Variants in KIF26B observed in about 807,000 individuals in gnomAD.
KIF26B encodes the protein kinesin-like protein KIF26B.
In KIF26B, 63 loss-of-function variants were observed where a neutral mutation model predicts 151.2. That is an observed-to-expected ratio of 0.42 (90% confidence interval 0.34 to 0.51). The LOEUF (loss-of-function observed/expected upper bound fraction) is 0.51, where lower values mean the gene tolerates loss of function less well. KIF26B is among the 20% of genes least tolerant of loss of function. The pLI is 0.07. For missense variants in KIF26B, 2,813 were observed against 2,913.6 expected (o/e 0.97, Z 0.79); for synonymous variants, 1,357 against 1,262.1 (o/e 1.08, Z -1.59).
chr1:245,612,285 G>T (rs72762891), intron 9 of KIF26B, among the ~76,000 whole-genome samples: 13,111 of 152,010 alleles, frequency 0.086, 657 homozygotes, highest in South Asian at 0.12. Flanking sequence ...TATTTATTTG[G>T]TTATCTTTGT....
intron 2 of KIF26B, among the ~76,000 whole-genome samples, chr1:245,350,307 T>C (rs1672540248): frequency 1.3e-5 from 2 of 152,174 alleles, no homozygotes; most frequent in Admixed American, 1.3e-4. Context: ...CTGGTGACTT[T>C]ACCTGTGTTA....
intron 5 of KIF26B, among the ~76,000 whole-genome samples, chr1:245,569,137 C>G (rs1271940994): frequency 9.2e-5 from 14 of 152,150 alleles, no homozygotes; most frequent in Admixed American, 7.2e-4. Flanking sequence ...ATCTAGAGCC[C>G]TTTGCTGGAA....
At chr1:245,267,079 T>C (rs1475509217) in intron 2 of KIF26B, among the ~76,000 whole-genome samples, 4 of 152,238 alleles carry the variant, frequency 2.6e-5, no homozygotes, top group Admixed American at 1.3e-4. Context: ...GGATTTGCAG[T>C]GTCTCCCCTA....
chr1:245,259,514 A>ATT (rs1369311816), intron 2 of KIF26B, among the ~76,000 whole-genome samples: 1 of 152,194 alleles, frequency 6.6e-6, no homozygotes, highest in Admixed American at 6.5e-5. Flanking sequence ...GATACTAAAG[A>ATT]ACAGGGGAGA....
At chr1:245,683,371 G>C (rs1309177024) in intron 10 of KIF26B, among the ~76,000 whole-genome samples, 2 of 152,190 alleles carry the variant, frequency 1.3e-5, no homozygotes, top group Non-Finnish European at 2.9e-5. Flanking sequence ...GGCAGCAGTT[G>C]AGAGTATGAG....
chr1:245,331,190 G>T (rs948671005), intron 2 of KIF26B, among the ~76,000 whole-genome samples: 3 of 152,056 alleles, frequency 2.0e-5, no homozygotes, highest in African/African-American at 7.3e-5. Flanking sequence ...CATTCCGCGC[G>T]AGTGACCGAG....
intron 2 of KIF26B, among the ~76,000 whole-genome samples, chr1:245,331,890 G>A (rs2102991692): frequency 6.6e-6 from 1 of 152,236 alleles, no homozygotes; most frequent in Admixed American, 6.5e-5. Flanking sequence ...ACTTTGGGAG[G>A]CGAGGTGGGC....
At chr1:245,198,931 C>G (rs1319302010) in intron 2 of KIF26B, among the ~76,000 whole-genome samples, 7 of 1,930 alleles carry the variant, frequency 3.6e-3, no homozygotes, top group Non-Finnish European at 2.1e-3. Flanking sequence ...GGAAAGGAAG[C>G]CCCTGCGGCA....
chr1:245,499,508 G>C (rs1026162154), intron 4 of KIF26B, among the ~76,000 whole-genome samples: 5 of 152,092 alleles, frequency 3.3e-5, no homozygotes, highest in Admixed American at 1.3e-4. Flanking sequence ...TATTATTCCG[G>C]GACACGTAAA....
rs1348268953 is a variant in KIF26B at position 245,227,703 on chromosome 1, T to C, written c.465+71020T>C. On this transcript the variant is annotated intron_variant, in intron 2 of 14. Transcript: ENST00000407071. The surrounding 1 kb of genome is among the most constrained non-coding windows in gnomAD (Gnocchi z 4.1). ...TTTCCAAAAACCTTTTGGTAGTCAT[T>C]AAAAAAACACTCTGAGGCTGGGTGT... 6.6e-6 allele frequency among the ~76,000 whole-genome samples: 1 copy of C among 152,106 alleles called. No homozygotes were observed. The highest frequency in any genetic ancestry group is 1.5e-5 in the Non-Finnish European group (1 of 68,016).
At chr1:245,492,406 G>C (rs1660427106) in intron 4 of KIF26B, among the ~76,000 whole-genome samples, 1 of 152,210 alleles carries the variant, frequency 6.6e-6, no homozygotes, top group African/African-American at 2.4e-5. Context: ...CTTAAATACA[G>C]TGTTCAACTA....
In KIF26B at chr1:245,624,233, G is replaced by C. The variant is rs74439846; in HGVS notation, c.2098+12257G>C. On this transcript the variant is annotated intron_variant, in intron 9 of 14. Transcript: ENST00000407071. The stretch of plus-strand genomic sequence containing the variant: ...TGGACATATATTTTCTTTCCTTTGG[G>C]GTAAAAACCTATACTAGAACTGGAA... 2.4e-4 allele frequency among the ~76,000 whole-genome samples: 37 copies of C among 151,474 alleles called. 1 individual carries two copies. The highest frequency in any genetic ancestry group is 7.2e-4 in the Admixed American group (11 of 15,194).
chr1:245,229,012 G>A (rs1558353635), intron 2 of KIF26B, among the ~76,000 whole-genome samples: 1 of 152,068 alleles, frequency 6.6e-6, no homozygotes, highest in Non-Finnish European at 1.5e-5. Context: ...TGTTGCCCAG[G>A]CTGGAGTGCA....
At chr1:245,576,170 C>T (rs988275373) in intron 5 of KIF26B, among the ~76,000 whole-genome samples, 24 of 152,218 alleles carry the variant, frequency 1.6e-4, no homozygotes, top group East Asian at 3.9e-4. Context: ...GGATCACAAG[C>T]GCAGGTGATC....
At chr1:245,668,052 C>T (rs750880260) in intron 10 of KIF26B, among the ~76,000 whole-genome samples, 22 of 152,146 alleles carry the variant, frequency 1.4e-4, no homozygotes, top group African/African-American at 2.2e-4. Context: ...CACGCCACCA[C>T]GCTTGGCTAA....
At chr1:245,426,205 C>G (rs990062984) in intron 4 of KIF26B, among the ~76,000 whole-genome samples, 1 of 151,686 alleles carries the variant, frequency 6.6e-6, no homozygotes, top group African/African-American at 2.4e-5. Context: ...CTCTCCCTCC[C>G]TCCTCCCTCC....
intron 12 of KIF26B, among the ~76,000 whole-genome samples, chr1:245,696,449 C>T (rs774658970): frequency 6.6e-6 from 1 of 152,130 alleles, no homozygotes; most frequent in Non-Finnish European, 1.5e-5. Flanking sequence ...TGAGCCAGAA[C>T]CACCTGGCAA....
rs2044475183 is a variant in KIF26B at position 245,684,112 on chromosome 1, T to C, written c.2259-121T>C. On this transcript the variant is annotated intron_variant, in intron 10 of 14. Transcript: ENST00000407071. ...GAAAATGATGCTAATTAGTATGCCATTAAAAAGGGTGGGGGGACCACCACC... is the reference window on the plus strand; with the variant it reads ...GAAAATGATGCTAATTAGTATGCCACTAAAAAGGGTGGGGGGACCACCACC... The C allele has an allele frequency of 2.9e-6, 3 of 1,034,418 alleles. No homozygotes were observed. In the South Asian group the frequency reaches 5.1e-5, roughly 17 times the overall value. 64.1% of individuals were successfully genotyped at this position (1,034,418 alleles called of 1,614,324 possible).
intron 2 of KIF26B, among the ~76,000 whole-genome samples, chr1:245,214,886 G>A (rs954654062): frequency 2.0e-5 from 3 of 152,102 alleles, no homozygotes; most frequent in Non-Finnish European, 4.4e-5. Flanking sequence ...ACAGAATATG[G>A]TAGGCGGTAA....
Sources: gnomAD v4.1 joint callset for allele counts (sites outside exome capture counted in the v4.1 genomes callset) on GRCh38, gnomAD v4.1.1 for gene constraint, Gnocchi (gnomAD v3.1) non-coding constraint, MANE v1.5 for transcripts, NCBI Gene and HGNC (gene_info 2026-07-23, HGNC 2026-07-21) for gene names.